Variants in GPR89B observed in about 807,000 individuals in gnomAD.
GPR89B encodes the protein golgi pH regulator B, also known as G protein-coupled receptor 89B.
In GPR89B, 25 loss-of-function variants were observed where a neutral mutation model predicts 52.4. The observed-to-expected ratio is 0.48, with a 90% CI of 0.35 to 0.67. GPR89B has a LOEUF of 0.67. Ranked by LOEUF, GPR89B falls within the 30% of genes least tolerant of loss-of-function variation. The pLI, the probability that GPR89B is intolerant of heterozygous loss-of-function variation, is 0.01. For synonymous variants in GPR89B, 52 were observed against 151.2 expected (o/e 0.34, Z 4.81); for missense variants, 146 against 450.2 (o/e 0.32, Z 6.11).
Position 147,983,238 on chromosome 1 carries a change from G to A in GPR89B, c.910-2961G>A, listed in dbSNP as rs1375333948. 5.3e-5 allele frequency among the ~76,000 whole-genome samples: 8 copies of A among 150,854 alleles called. 1 individual carries two copies. The South Asian group carries it at 6.2e-4, about 12-fold the overall frequency. On this transcript the variant is annotated intron_variant, in intron 10 of 13. Transcript: ENST00000314163. ...AAAAACCCTAGAAGAAAACCTAGGC[G>A]TTACCATTCAGGACATAGGCATGGG...
intron 7 of GPR89B, among the ~76,000 whole-genome samples, chr1:147,959,485 G>A (rs1454437766): frequency 3.3e-5 from 5 of 152,066 alleles, no homozygotes; most frequent in East Asian, 3.9e-4. Context: ...TTTGAGAAGA[G>A]CATCAGGTAA....
Position 147,992,843 on chromosome 1 carries a change from G to A in GPR89B, c.1294G>A (p.Val432Ile). Residue 432 changes from valine to isoleucine, a missense_variant, in exon 14 of 14, where the codon GTC becomes ATC. Transcript: ENST00000314163. Reference sequence around the variant, plus strand: ...CCGTTGGTTTGATGTGATCTTCCTGGTCAGCGCTCTCTCTAGCATACTCTT... The same window carrying A: ...CCGTTGGTTTGATGTGATCTTCCTGATCAGCGCTCTCTCTAGCATACTCTT... Reference protein sequence around the residue: ...YHRWFDVIFLVSALSSILFLY... With the variant: ...YHRWFDVIFLISALSSILFLY... 1.5e-6 allele frequency: 2 copies of A among 1,342,004 alleles called. No homozygotes were observed. The highest frequency in any genetic ancestry group is 1.9e-5 in the Admixed American group (1 of 52,890). The allele number at this position is 1,342,004 out of a possible 1,614,324, so 83.1% of individuals were successfully genotyped here.
chr1:148,009,542 C>T, the GPR89B span: 173 of 1,559,882 alleles, frequency 1.1e-4, 2 homozygotes, highest in South Asian at 1.8e-3. Flanking sequence ...AATCCCCATC[C>T]AGAACTAGTA....
intron 5 of GPR89B, among the ~76,000 whole-genome samples, chr1:147,950,686 CT>C (rs1553250900): frequency 6.6e-6 from 1 of 152,206 alleles, no homozygotes; most frequent in Admixed American, 6.5e-5. Flanking sequence ...ATCCCGGCAC[CT>C]CGGGAGGCCG....
intron 5 of GPR89B, among the ~76,000 whole-genome samples, chr1:147,946,471 G>A (rs1430666169): frequency 5.9e-5 from 9 of 152,330 alleles, no homozygotes; most frequent in Non-Finnish European, 1.0e-4. Flanking sequence ...AATGGTCAAC[G>A]AAGGGAACGA....
At chr1:148,017,011 T>TGCTTGCTG in the GPR89B span, among the ~76,000 whole-genome samples, 2 of 152,036 alleles carry the variant, frequency 1.3e-5, no homozygotes, top group Non-Finnish European at 2.9e-5. Flanking sequence ...CTTGCTTGCT[T>TGCTTGCTG]GCTTGCTTGC....
chr1:147,942,170 A>G (rs11488333), intron 3 of GPR89B, among the ~76,000 whole-genome samples: 1 of 152,142 alleles, frequency 6.6e-6, no homozygotes, highest in African/African-American at 2.4e-5. Flanking sequence ...CATTTCTCCA[A>G]AGATGATATA....
intron 8 of GPR89B, 142 bp from the exon 9 acceptor site, chr1:147,968,733 T>A: frequency 1.5e-6 from 2 of 1,327,756 alleles, no homozygotes; most frequent in Non-Finnish European, 2.1e-6. Flanking sequence ...TCTGAAGTAG[T>A]GTTGCTGGCT....
the GPR89B span, among the ~76,000 whole-genome samples, chr1:148,021,499 G>C: frequency 1.3e-5 from 2 of 151,552 alleles, no homozygotes; most frequent in Non-Finnish European, 2.9e-5. Flanking sequence ...GAGACTCCCC[G>C]AAAGGAGAGA....
intron 8 of GPR89B, chr1:147,967,437 AAAAG>A (rs1657115561): frequency 6.6e-6 from 1 of 151,558 alleles, no homozygotes; most frequent in African/African-American, 2.4e-5. Context: ...CTCAAAATAA[AAAAG>A]AAAGGATAAA....
intron 1 of GPR89B, chr1:147,928,842 C>T (rs1415676338): frequency 5.6e-6 from 1 of 178,358 alleles, no homozygotes; most frequent in Non-Finnish European, 1.1e-5. Flanking sequence ...AGCGGTCCGC[C>T]GACCTCCAGG....
At chr1:148,019,320 A>G in the GPR89B span, among the ~76,000 whole-genome samples, 1 of 151,456 alleles carries the variant, frequency 6.6e-6, no homozygotes, top group African/African-American at 2.4e-5. Context: ...AGAAACAGAA[A>G]ACCAAACACC....
At chr1:147,945,142 C>T (rs1356380777) in intron 5 of GPR89B, among the ~76,000 whole-genome samples, 1 of 137,540 alleles carries the variant, frequency 7.3e-6, no homozygotes, top group Admixed American at 7.6e-5. Context: ...ACCTGCCACT[C>T]AGGGTCTATG....
the GPR89B span, among the ~76,000 whole-genome samples, chr1:148,000,880 G>A: frequency 7.0e-6 from 1 of 142,794 alleles, no homozygotes; most frequent in Non-Finnish European, 1.5e-5. Flanking sequence ...TTTGATTCAG[G>A]TTGGTCTTGG....
At chr1:147,954,859 A>G (rs1656002654) in intron 7 of GPR89B, among the ~76,000 whole-genome samples, 1 of 152,066 alleles carries the variant, frequency 6.6e-6, no homozygotes, top group Admixed American at 6.6e-5. Context: ...TAATTAAATC[A>G]AGCTAATTAA....
intron 2 of GPR89B, among the ~76,000 whole-genome samples, chr1:147,937,885 TTAAAG>T (rs1405124205): frequency 1.3e-5 from 2 of 152,192 alleles, no homozygotes; most frequent in Non-Finnish European, 2.9e-5. Context: ...GATTAAGAGA[TTAAAG>T]TAAGACAGGC....
At chr1:148,021,447 A>G in the GPR89B span, among the ~76,000 whole-genome samples, 44 of 152,048 alleles carry the variant, frequency 2.9e-4, no homozygotes, top group South Asian at 1.2e-3. Context: ...GCTTGCAGTG[A>G]GCCGAGATCG....
At chr1:147,947,101 A>G (rs587671635) in intron 5 of GPR89B, among the ~76,000 whole-genome samples, 5 of 152,132 alleles carry the variant, frequency 3.3e-5, no homozygotes, top group Admixed American at 6.5e-5. Context: ...TTGGGAGGCC[A>G]AGGCAGGGAT....
intron 1 of GPR89B, among the ~76,000 whole-genome samples, chr1:147,929,955 T>A (rs1388580446): frequency 3.3e-5 from 5 of 152,260 alleles, no homozygotes; most frequent in African/African-American, 9.6e-5. Context: ...AACTCAGGAT[T>A]ATTTTTAGCC....
Sources: gnomAD v4.1 joint callset for allele counts (sites outside exome capture counted in the v4.1 genomes callset) on GRCh38, gnomAD v4.1.1 for gene constraint, MANE v1.5 for transcripts, NCBI Gene and HGNC (gene_info 2026-07-23, HGNC 2026-07-21) for gene names.